The following DNAL1 variants were observed in gnomAD, a reference collection of about 807,000 sequenced individuals.
DNAL1 encodes dynein axonemal light chain 1, also known as chromosome 14 open reading frame 168.
DNAL1 carries 17 observed loss-of-function variants against 29.4 expected under a neutral mutation model. The observed-to-expected ratio is 0.58, with a 90% CI of 0.40 to 0.87. The LOEUF (loss-of-function observed/expected upper bound fraction) is 0.87. Ranked by LOEUF, DNAL1 falls within the 40% of genes least tolerant of loss-of-function variation. DNAL1 has a pLI of 0.00. For missense variants in DNAL1, 188 were observed against 214.1 expected, an observed-to-expected ratio of 0.88 and a Z score of 0.76; for synonymous variants, 78 against 76.3, an observed-to-expected ratio of 1.02 and a Z score of -0.12.
chr14:73,694,633 G>C (rs1264525446), intron 7 of DNAL1, among the ~76,000 whole-genome samples: 1 of 151,892 alleles, frequency 6.6e-6, no homozygotes, highest in Non-Finnish European at 1.5e-5. Context: ...TGGCAGTACT[G>C]TGATTACACA....
chr14:73,663,438 T>TA, intron 4 of DNAL1, among the ~76,000 whole-genome samples: 1 of 152,282 alleles, frequency 6.6e-6, no homozygotes, highest in Non-Finnish European at 1.5e-5. Context: ...ACTCCTGACC[T>TA]AAAGTGATCC....
chr14:73,678,974 G>A (rs944543044), intron 5 of DNAL1, among the ~76,000 whole-genome samples: 5 of 152,092 alleles, frequency 3.3e-5, no homozygotes, highest in African/African-American at 1.2e-4. Context: ...GGTATAGGGT[G>A]AGAAAGACTT....
rs1321047734 is a variant in DNAL1 at position 73,699,689 on chromosome 14, C to A, written c.*3747C>A. ...TCTCTTTTTTGAAGCAGGGTCTCAACTTTTATTTCTAAGCATTCTTGCTTA... is the reference window on the plus strand; with the variant it reads ...TCTCTTTTTTGAAGCAGGGTCTCAAATTTTATTTCTAAGCATTCTTGCTTA... On this transcript the variant is annotated 3_prime_UTR_variant, in exon 8 of 8. Transcript: ENST00000553645. 1.3e-5 allele frequency: 2 copies of A among 152,262 alleles called. No homozygotes were observed. The highest frequency in any genetic ancestry group is 2.4e-5 in the African/African-American group (1 of 41,570). 9.4% of individuals were successfully genotyped at this position (152,262 alleles called of 1,614,324 possible).
At chr14:73,690,150 G>A (rs1007056891) in intron 7 of DNAL1, among the ~76,000 whole-genome samples, 2 of 152,000 alleles carry the variant, frequency 1.3e-5, no homozygotes, top group African/African-American at 4.8e-5. Context: ...AAGATTGCTT[G>A]AGGTCAGGAG....
intron 5 of DNAL1, among the ~76,000 whole-genome samples, chr14:73,680,815 A>AT (rs1243169928): frequency 6.6e-6 from 1 of 152,242 alleles, no homozygotes; most frequent in Admixed American, 6.5e-5. Flanking sequence ...TACATAGGCT[A>AT]TATGGTTTAG....
intron 5 of DNAL1, among the ~76,000 whole-genome samples, chr14:73,679,541 G>A (rs1369339485): frequency 3.3e-5 from 5 of 152,156 alleles, no homozygotes; most frequent in Non-Finnish European, 5.9e-5. Flanking sequence ...GAAAGGGGAG[G>A]CAGAGAAGAG....
chr14:73,679,034 T>C (rs1347084160), intron 5 of DNAL1, among the ~76,000 whole-genome samples: 1 of 152,150 alleles, frequency 6.6e-6, no homozygotes, highest in Non-Finnish European at 1.5e-5. Context: ...TCTCGCTGCA[T>C]CCCCCAGGCT....
At chr14:73,659,925 G>A (rs867195731) in intron 3 of DNAL1, among the ~76,000 whole-genome samples, 13 of 152,044 alleles carry the variant, frequency 8.6e-5, no homozygotes, top group African/African-American at 3.1e-4. Context: ...AATTCTAATT[G>A]GGATCAAATT....
intron 7 of DNAL1, among the ~76,000 whole-genome samples, chr14:73,692,616 A>AC (rs1335661642): frequency 6.6e-6 from 1 of 151,838 alleles, no homozygotes; most frequent in Non-Finnish European, 1.5e-5. Context: ...CCGAGAAAAA[A>AC]AAAAAAAAGA....
intron 5 of DNAL1, among the ~76,000 whole-genome samples, chr14:73,675,764 T>A (rs1754640237): frequency 6.6e-6 from 1 of 152,030 alleles, no homozygotes; most frequent in Non-Finnish European, 1.5e-5. Flanking sequence ...ACGCCTGTAA[T>A]CCCAGCACTT....
intron 6 of DNAL1, 121 bp from the exon 7 acceptor site, chr14:73,689,254 G>C (rs185905398): frequency 3.5e-6 from 4 of 1,143,146 alleles, no homozygotes; most frequent in South Asian, 1.5e-5. Context: ...GGATGGTCTC[G>C]ATCTCCTGAT....
Position 73,699,741 on chromosome 14 carries a change from C to T in DNAL1, c.*3799C>T, listed in dbSNP as rs1892387446. On this transcript the variant is annotated 3_prime_UTR_variant, in exon 8 of 8. Coordinates refer to ENST00000553645, the MANE Select transcript of DNAL1 (RefSeq NM_031427.4). ...CTTAGGACAGTGATTATTAACCTAC[C>T]TCTCTGTTTCTATCAACAGAAGCCA... The T allele has an allele frequency of 2.0e-5, 3 of 149,666 alleles. No homozygotes were observed. Among genetic ancestry groups the T allele is most frequent in the Admixed American group, 2.0e-4 (3 of 15,172 alleles). 9.3% of individuals were successfully genotyped at this position (149,666 alleles called of 1,614,324 possible). A position where few individuals can be genotyped will look rare whatever the true frequency, so the allele number is the denominator to read the frequency against.
At chr14:73,690,475 A>G (rs1313494986) in intron 7 of DNAL1, among the ~76,000 whole-genome samples, 1 of 152,052 alleles carries the variant, frequency 6.6e-6, no homozygotes, top group African/African-American at 2.4e-5. Context: ...CAACATGGAG[A>G]AACCCCATCT....
Position 73,696,634 on chromosome 14 carries a change from TAGTG to T in DNAL1, c.*693_*696del, listed in dbSNP as rs749450834. Reference sequence around the variant, plus strand: ...TGTACAGTCATTCTGTGATCTCAGTTAGTGGTTAAAATGACTGTCATGATCATTT... The same window carrying T: ...TGTACAGTCATTCTGTGATCTCAGTTGTTAAAATGACTGTCATGATCATTT... On this transcript the variant is annotated 3_prime_UTR_variant, in exon 8 of 8. Coordinates refer to ENST00000553645, the MANE Select transcript of DNAL1 (RefSeq NM_031427.4). The T allele has an allele frequency of 7.2e-5, 11 of 152,216 alleles. No homozygotes were observed. The highest frequency in any genetic ancestry group is 1.6e-4 in the Non-Finnish European group (11 of 68,032). 9.4% of individuals were successfully genotyped at this position (152,216 alleles called of 1,614,324 possible).
intron 4 of DNAL1, among the ~76,000 whole-genome samples, chr14:73,670,797 C>G (rs973034698): frequency 6.6e-6 from 1 of 151,234 alleles, no homozygotes; most frequent in Non-Finnish European, 1.5e-5. Context: ...AGTGCAGTGG[C>G]GAGATCTCGG....
At chr14:73,675,605 C>T (rs953780309) in intron 5 of DNAL1, among the ~76,000 whole-genome samples, 1 of 152,012 alleles carries the variant, frequency 6.6e-6, no homozygotes, top group Non-Finnish European at 1.5e-5. Context: ...ACTGTGAGGG[C>T]CTGGCCATTT....
intron 6 of DNAL1, among the ~76,000 whole-genome samples, chr14:73,688,701 G>A (rs566427887): frequency 6.6e-6 from 1 of 152,300 alleles, no homozygotes; most frequent in East Asian, 1.9e-4. Flanking sequence ...TCAAAGATGA[G>A]GGAATGGGTA....
intron 4 of DNAL1, among the ~76,000 whole-genome samples, chr14:73,665,413 G>T (rs1891453771): frequency 6.6e-6 from 1 of 151,970 alleles, no homozygotes; most frequent in African/African-American, 2.4e-5. Context: ...TTAATAACTT[G>T]CTCTGTAACT....
At chr14:73,676,354 A>T (rs1036796717) in intron 5 of DNAL1, among the ~76,000 whole-genome samples, 3 of 152,094 alleles carry the variant, frequency 2.0e-5, no homozygotes, top group Non-Finnish European at 2.9e-5. Context: ...TCTACCTCCT[A>T]TTCCCTACCA....
Sources: allele counts gnomAD v4.1 joint callset (sites outside exome capture counted in the v4.1 genomes callset), GRCh38; gene constraint gnomAD v4.1.1; transcripts MANE v1.5; gene names NCBI Gene and HGNC (gene_info 2026-07-23, HGNC 2026-07-21).